Variants in LCOR observed in about 807,000 individuals in gnomAD.
The protein encoded by LCOR is ligand dependent nuclear receptor corepressor.
Under a neutral mutation model 64.4 loss-of-function variants are expected in LCOR, and 14 were observed. That is an observed-to-expected ratio of 0.22 (90% CI 0.14 to 0.34). The LOEUF is 0.34. Among genes scored for constraint, LCOR ranks in the 10% least tolerant of loss-of-function variants. LCOR has a pLI of 1.00. For synonymous variants in LCOR, 643 were observed against 642.5 expected (o/e 1.00, Z -0.01); for missense variants, 1,686 against 1,765.3 (o/e 0.96, Z 0.80).
At chr10:96,875,613 G>C (rs540862626) in intron 2 of LCOR, among the ~76,000 whole-genome samples, 1 of 152,236 alleles carries the variant, frequency 6.6e-6, no homozygotes, top group Non-Finnish European at 1.5e-5. Flanking sequence ...TGTAATCCCA[G>C]CTCTTTGGGA....
At chr10:96,899,028 TA>T (rs1564619342) in intron 2 of LCOR, among the ~76,000 whole-genome samples, 1 of 152,166 alleles carries the variant, frequency 6.6e-6, no homozygotes, top group African/African-American at 2.4e-5. Flanking sequence ...GAATTGTGAC[TA>T]ACCGAGGTCT....
chr10:96,983,496 T>C lies in LCOR; in HGVS notation c.3036T>C (p.Ser1012=), dbSNP rs34632708. ...KDDESDAPCS[S]LGLSSSGSGD... ...ATGAGAGTGATGCCCCATGCAGCTC[T>C]CTTGGGTTGTCGAGTAGTGGAAGTG... Residue 1012 remains serine, a synonymous_variant, in exon 8 of 8, where the codon TCT becomes TCC. Coordinates refer to ENST00000421806, the MANE Select transcript of LCOR (RefSeq NM_001346516.2). This position sits in a 1 kb window ranked among gnomAD's most constrained non-coding sequence, Gnocchi z 4.5. 9.3e-5 allele frequency: 150 copies of C among 1,614,138 alleles called. No homozygotes were observed. In the African/African-American group the frequency reaches 1.8e-3, roughly 19 times the overall value.
Position 96,867,512 on chromosome 10 carries a change from G to A in LCOR, c.-330+34033G>A, listed in dbSNP as rs531325519. Among the ~76,000 whole-genome samples, 3 of 152,214 alleles carry A rather than the reference G, an allele frequency of 2.0e-5. No individual in the cohort carries two copies. In the East Asian group the frequency reaches 5.8e-4, roughly 29 times the overall value. The stretch of plus-strand genomic sequence containing the variant: ...CTCAGAAGACTGAGGTGGGAGGATC[G>A]CTTGAGCTGAGGAGATTAAGGCTGC... On this transcript the variant is annotated intron_variant, in intron 2 of 7. Coordinates refer to ENST00000421806, the MANE Select transcript of LCOR (RefSeq NM_001346516.2).
chr10:96,923,659 C>A (rs1261730154), intron 4 of LCOR, among the ~76,000 whole-genome samples: 1 of 152,174 alleles, frequency 6.6e-6, no homozygotes, highest in Non-Finnish European at 1.5e-5. Flanking sequence ...AAAAATTTAA[C>A]CATATTAACT....
chr10:96,969,578 A>G (rs1008036557), intron 7 of LCOR, among the ~76,000 whole-genome samples: 10 of 152,164 alleles, frequency 6.6e-5, no homozygotes, highest in South Asian at 4.1e-4. Flanking sequence ...AGTTTGAACA[A>G]TGATCTAAGA....
At chr10:96,921,725 A>G (rs1847085048) in intron 4 of LCOR, among the ~76,000 whole-genome samples, 1 of 152,178 alleles carries the variant, frequency 6.6e-6, no homozygotes, top group African/African-American at 2.4e-5. Flanking sequence ...TGGCCTCCCA[A>G]AGAGCGAGGA....
intron 7 of LCOR, chr10:96,956,243 T>A (rs950113786): frequency 9.7e-7 from 1 of 1,031,056 alleles, no homozygotes; most frequent in Non-Finnish European, 1.2e-6. Context: ...TTTTTTTTGT[T>A]GTTGTTGTTT....
chr10:96,886,683 A>G (rs151204869), intron 2 of LCOR, among the ~76,000 whole-genome samples: 1 of 152,212 alleles, frequency 6.6e-6, no homozygotes, highest in Admixed American at 6.5e-5. Context: ...TACTTACTCA[A>G]CCTTAAGAGA....
chr10:96,976,590 A>G (rs1170455050), intron 7 of LCOR, among the ~76,000 whole-genome samples: 1 of 152,240 alleles, frequency 6.6e-6, no homozygotes, highest in Non-Finnish European at 1.5e-5. Flanking sequence ...AGTTAAGGGT[A>G]ATGAAGATAT....
In LCOR at chr10:96,982,996, A is replaced by C. The variant is rs1199620023; in HGVS notation, c.2536A>C (p.Lys846Gln). 1 of 1,613,584 alleles carries C rather than the reference A, an allele frequency of 6.2e-7. No homozygotes were observed. The highest frequency in any genetic ancestry group is 1.1e-5 in the South Asian group (1 of 90,972). ...TTCTTCCTCAGCTTGTCTTGAAATC[A>C]AAGTTCCTAAAAATCCTAGTGCAAA... Reference protein sequence around the residue: ...SDSSSACLEIKVPKNPSAKRS... With the variant: ...SDSSSACLEIQVPKNPSAKRS... The change falls in exon 8 of 8, where the codon AAA becomes CAA. Residue 846 changes from lysine to glutamine, a missense_variant. Physicochemically the swap from Lys to Gln is moderately conservative, Grantham distance 53. This residue lies in a region of LCOR where 1,293 missense variants were observed against 1,410.4 expected (regional missense o/e 0.92). Transcript: ENST00000421806.
chr10:96,915,505 G>T (rs1327293534), intron 4 of LCOR: 3 of 439,462 alleles, frequency 6.8e-6, no homozygotes, highest in Non-Finnish European at 1.3e-5. Flanking sequence ...TGGGGAGAGA[G>T]TGAGACTCCG....
Position 96,907,306 on chromosome 10 carries a change from T to C in LCOR, c.-288T>C, listed in dbSNP as rs565052320. 6.9e-5 allele frequency: 68 copies of C among 981,954 alleles called. No individual in the cohort carries two copies. In the African/African-American group the frequency reaches 1.2e-3, roughly 17 times the overall value. 60.8% of individuals were successfully genotyped at this position (981,954 alleles called of 1,614,324 possible). On this transcript the variant is annotated 5_prime_UTR_variant, in exon 3 of 8. Coordinates refer to ENST00000421806, the MANE Select transcript of LCOR (RefSeq NM_001346516.2). ...TGAAGGGCTGTTTGGACCTGCATTATTAAAAGATCTCAGTTTATTTAAAGG... is the reference window on the plus strand; with the variant it reads ...TGAAGGGCTGTTTGGACCTGCATTACTAAAAGATCTCAGTTTATTTAAAGG...
intron 4 of LCOR, among the ~76,000 whole-genome samples, chr10:96,936,308 C>T (rs1041688702): frequency 3.9e-5 from 6 of 152,114 alleles, no homozygotes; most frequent in African/African-American, 9.7e-5. Flanking sequence ...AAATCAATAC[C>T]CTAATCATCC....
chr10:96,834,240 G>C (rs1422579192), intron 2 of LCOR, among the ~76,000 whole-genome samples: 6 of 152,154 alleles, frequency 3.9e-5, no homozygotes, highest in Admixed American at 6.5e-5. Flanking sequence ...TACCAGTTTG[G>C]TTGTCCAAAG....
chr10:96,881,416 A>G (rs1418213194), intron 2 of LCOR, among the ~76,000 whole-genome samples: 16 of 151,984 alleles, frequency 1.1e-4, no homozygotes, highest in Non-Finnish European at 1.5e-5. Context: ...GCAGATATCA[A>G]GTCCTGGCTT....
intron 4 of LCOR, among the ~76,000 whole-genome samples, chr10:96,927,081 A>G (rs1847181108): frequency 6.6e-6 from 1 of 152,150 alleles, no homozygotes; most frequent in Admixed American, 6.5e-5. Flanking sequence ...GTTTAACGTT[A>G]TATTATGATA....
At chr10:96,885,553 A>ATTT (rs144687202) in intron 2 of LCOR, among the ~76,000 whole-genome samples, 21 of 117,738 alleles carry the variant, frequency 1.8e-4, no homozygotes, top group Admixed American at 2.6e-4. Flanking sequence ...GGCTAATTGA[A>ATTT]TTTTTTTTTT....
At chr10:96,956,601 C>T in intron 7 of LCOR, 1 of 985,678 alleles carries the variant, frequency 1.0e-6, no homozygotes, top group Non-Finnish European at 1.2e-6. Context: ...AAAATGTGCA[C>T]ACACTACCTT....
chr10:96,985,193 T>G lies in LCOR; in HGVS notation c.*59T>G. Reference sequence around the variant, plus strand: ...TATAGAAGTAACCTTTTATTTTGCATTAACTAAATCTGCTTTTATAAGCTT... The same window carrying G: ...TATAGAAGTAACCTTTTATTTTGCAGTAACTAAATCTGCTTTTATAAGCTT... On this transcript the variant is annotated 3_prime_UTR_variant, in exon 8 of 8. Transcript: ENST00000421806. The G allele has an allele frequency of 1.3e-6, 2 of 1,501,394 alleles. No individual in the cohort carries two copies. The highest frequency in any genetic ancestry group is 1.8e-6 in the Non-Finnish European group (2 of 1,128,164). 93.0% of individuals were successfully genotyped at this position (1,501,394 alleles called of 1,614,324 possible).
Sources: allele counts gnomAD v4.1 joint callset (sites outside exome capture counted in the v4.1 genomes callset), GRCh38; gene constraint gnomAD v4.1.1; regional missense constraint gnomAD v4.1.1; non-coding constraint Gnocchi (gnomAD v3.1); transcripts MANE v1.5; gene names NCBI Gene and HGNC (gene_info 2026-07-23, HGNC 2026-07-21).